Variants in PRKG1 observed in about 807,000 individuals in gnomAD.
PRKG1 encodes the protein protein kinase cGMP-dependent 1.
A neutral mutation model predicts 88.1 loss-of-function variants in PRKG1; 35 were observed. The ratio of observed to expected loss-of-function variants is 0.40; its 90% confidence interval spans 0.30 to 0.53. The LOEUF (loss-of-function observed/expected upper bound fraction) is 0.53. Among genes scored for constraint, PRKG1 ranks in the 20% least tolerant of loss-of-function variants. PRKG1 has a pLI of 0.59. For missense variants in PRKG1, 540 were observed against 839.8 expected (o/e 0.64, Z 4.41); for synonymous variants, 303 against 292.5 (o/e 1.04, Z -0.37).
At chr10:51,936,952 T>C (rs1416366472) in intron 5 of PRKG1, among the ~76,000 whole-genome samples, 1 of 126,758 alleles carries the variant, frequency 7.9e-6, no homozygotes, top group Non-Finnish European at 1.5e-5. Flanking sequence ...GGAATTGATA[T>C]AGTTAGAAGA....
intron 4 of PRKG1, among the ~76,000 whole-genome samples, chr10:51,834,663 GGAAA>G (rs1241050195): frequency 1.8e-5 from 2 of 113,556 alleles, no homozygotes; most frequent in Non-Finnish European, 3.6e-5. Context: ...AAAGAAAGAA[GGAAA>G]GAAAGAAAGA....
At chr10:51,069,415 G>T (rs980466214) in intron 1 of PRKG1, among the ~76,000 whole-genome samples, 13 of 151,888 alleles carry the variant, frequency 8.6e-5, no homozygotes, top group African/African-American at 3.1e-4. Flanking sequence ...TAAAATAGCA[G>T]GCACTTGAAT....
At chr10:51,208,098 A>G (rs901558966) in intron 2 of PRKG1, among the ~76,000 whole-genome samples, 2 of 152,200 alleles carry the variant, frequency 1.3e-5, no homozygotes, top group Non-Finnish European at 1.5e-5. Context: ...AGTGTCAATT[A>G]CCTAGGTAAA....
At chr10:51,369,342 T>C (rs1459132006) in intron 2 of PRKG1, among the ~76,000 whole-genome samples, 1 of 152,086 alleles carries the variant, frequency 6.6e-6, no homozygotes, top group Non-Finnish European at 1.5e-5. Context: ...TCCTTGTTCA[T>C]AGGTGGCGCC....
intron 5 of PRKG1, among the ~76,000 whole-genome samples, chr10:52,018,192 G>A (rs1447902451): frequency 1.3e-5 from 2 of 152,076 alleles, no homozygotes; most frequent in African/African-American, 2.4e-5. Context: ...CATAAAATGT[G>A]GTGTTGAGCC....
At chr10:51,593,965 T>C (rs1838376969) in intron 3 of PRKG1, among the ~76,000 whole-genome samples, 1 of 152,076 alleles carries the variant, frequency 6.6e-6, no homozygotes. Context: ...CCTCAGGTAA[T>C]CTACCCGCCC....
intron 8 of PRKG1, among the ~76,000 whole-genome samples, chr10:52,153,523 T>A (rs1309192785): frequency 6.6e-6 from 1 of 152,174 alleles, no homozygotes; most frequent in African/African-American, 2.4e-5. Context: ...CTTTAATGTG[T>A]CAAATGTGCC....
intron 3 of PRKG1, among the ~76,000 whole-genome samples, chr10:51,523,477 CATGACCTAGTT>C (rs1349456504): frequency 2.0e-5 from 3 of 152,312 alleles, no homozygotes; most frequent in East Asian, 3.9e-4. Flanking sequence ...CCCAGTGCTT[CATGACCTAGTT>C]ATGACCTAGT....
At chr10:51,115,551 A>G (rs1380380358) in intron 1 of PRKG1, among the ~76,000 whole-genome samples, 1 of 151,010 alleles carries the variant, frequency 6.6e-6, no homozygotes, top group South Asian at 2.1e-4. Flanking sequence ...AGAATGATAA[A>G]GAAGAAGGCT....
At chr10:51,329,979 A>G (rs191083424) in intron 2 of PRKG1, among the ~76,000 whole-genome samples, 5 of 141,178 alleles carry the variant, frequency 3.5e-5, no homozygotes, top group Admixed American at 2.2e-4. Flanking sequence ...TTGGCCTTGT[A>G]CTTAGATACT....
At chr10:51,618,302 G>T (rs1189600643) in intron 3 of PRKG1, among the ~76,000 whole-genome samples, 6 of 152,122 alleles carry the variant, frequency 3.9e-5, no homozygotes, top group Non-Finnish European at 7.4e-5. Context: ...CCATGGTCCA[G>T]AAAATTATAT....
At chr10:51,506,744 C>T (rs529465669) in intron 3 of PRKG1, among the ~76,000 whole-genome samples, 167 of 152,174 alleles carry the variant, frequency 1.1e-3, no homozygotes, top group African/African-American at 3.9e-3. Flanking sequence ...GGCATTGTGG[C>T]GATTCCTCAG....
At chr10:51,817,510 C>G (rs1380537612) in intron 4 of PRKG1, among the ~76,000 whole-genome samples, 1 of 152,082 alleles carries the variant, frequency 6.6e-6, no homozygotes, top group African/African-American at 2.4e-5. Flanking sequence ...CATCCATGTC[C>G]CTGCATAGGA....
chr10:51,825,389 A>G (rs1300462844), intron 4 of PRKG1, among the ~76,000 whole-genome samples: 4 of 152,324 alleles, frequency 2.6e-5, no homozygotes, highest in African/African-American at 7.2e-5. Flanking sequence ...AGATCATAAT[A>G]TAAGAATAAA....
chr10:51,351,967 G>C (rs1842258322), intron 2 of PRKG1, among the ~76,000 whole-genome samples: 1 of 152,144 alleles, frequency 6.6e-6, no homozygotes, highest in African/African-American at 2.4e-5. Context: ...CATATGGCTA[G>C]CCGTTTCTCC....
chr10:51,542,224 A>T (rs1324505375), intron 3 of PRKG1, among the ~76,000 whole-genome samples: 1 of 152,152 alleles, frequency 6.6e-6, no homozygotes, highest in Admixed American at 6.6e-5. Flanking sequence ...AGTAGACTGA[A>T]TAGGAGAAGG....
At chr10:51,745,852 T>C (rs548403361) in intron 3 of PRKG1, among the ~76,000 whole-genome samples, 27 of 152,006 alleles carry the variant, frequency 1.8e-4, no homozygotes, top group African/African-American at 6.0e-4. Context: ...CTACTAAAAA[T>C]ACAAAAAAAT....
intron 4 of PRKG1, among the ~76,000 whole-genome samples, chr10:51,875,259 A>G (rs1841265288): frequency 6.6e-6 from 1 of 152,116 alleles, no homozygotes; most frequent in Non-Finnish European, 1.5e-5. Flanking sequence ...GCGCTTTATT[A>G]GACCATACAG....
At chr10:51,389,596 T>C (rs1452540333) in intron 2 of PRKG1, among the ~76,000 whole-genome samples, 11 of 152,166 alleles carry the variant, frequency 7.2e-5, no homozygotes, top group Non-Finnish European at 2.9e-5. Context: ...GGGTGTCCCA[T>C]CAAGTCCTTG....
Sources: allele counts gnomAD v4.1 joint callset (sites outside exome capture counted in the v4.1 genomes callset), GRCh38; gene constraint gnomAD v4.1.1; transcripts MANE v1.5; gene names NCBI Gene and HGNC (gene_info 2026-07-23, HGNC 2026-07-21).